SPAG16: variants seen among roughly 807,000 people sequenced by gnomAD.
SPAG16 encodes the protein sperm-associated antigen 16 protein.
SPAG16 carries 86 observed loss-of-function variants against 80.4 expected under a neutral mutation model. The observed-to-expected ratio is 1.07, with a 90% CI of 0.90 to 1.28. The LOEUF (loss-of-function observed/expected upper bound fraction) is 1.28, where lower values mean the gene tolerates loss of function less well. SPAG16 is among the 50% of genes most tolerant of loss of function. SPAG16 has a pLI of 0.00. For missense variants in SPAG16, 870 were observed against 765.3 expected, an observed-to-expected ratio of 1.14 and a Z score of -1.61; for synonymous variants, 294 against 265.9, an observed-to-expected ratio of 1.11 and a Z score of -1.03.
chr2:214,267,257 TATA>T (rs1691643500), intron 15 of SPAG16, among the ~76,000 whole-genome samples: 1 of 151,810 alleles, frequency 6.6e-6, no homozygotes, highest in African/African-American at 2.4e-5. Context: ...GTTACAAACC[TATA>T]ATAATCCAAA....
chr2:213,787,922 G>A (rs1039673151), intron 10 of SPAG16, among the ~76,000 whole-genome samples: 9 of 151,982 alleles, frequency 5.9e-5, no homozygotes, highest in African/African-American at 2.2e-4. Flanking sequence ...ATTTGAAGAT[G>A]TCCAAAAATC....
chr2:214,051,272 T>G (rs1236213842), intron 13 of SPAG16, among the ~76,000 whole-genome samples: 1 of 152,184 alleles, frequency 6.6e-6, no homozygotes, highest in Non-Finnish European at 1.5e-5. Flanking sequence ...AAATACTTTA[T>G]AGCAAAGGAA....
intron 12 of SPAG16, among the ~76,000 whole-genome samples, chr2:213,948,408 C>G (rs887730764): frequency 4.6e-5 from 7 of 152,146 alleles, no homozygotes; most frequent in African/African-American, 7.2e-5. Context: ...CCCATTGATG[C>G]TACTCTATTT....
At position 214,155,784 on chromosome 2, in the gene SPAG16, T is replaced by C. The variant is rs553425749; in HGVS notation, c.1720+6518T>C. Among the ~76,000 whole-genome samples the C allele has an allele frequency of 7.2e-5, 11 of 152,286 alleles. No individual in the cohort carries two copies. The South Asian group carries it at 2.3e-3, about 32-fold the overall frequency. On this transcript the variant is annotated intron_variant, in intron 15 of 15. Transcript: ENST00000331683. ...TACACTAAAGTCTTTTGAACCACCG[T>C]GTTGGCTCATGTATTCACCTATTTA...
At position 213,346,601 on chromosome 2, in the gene SPAG16, A is replaced by G. The variant is rs544408764; in HGVS notation, c.645-3927A>G. Among the ~76,000 whole-genome samples the G allele has an allele frequency of 2.0e-4, 30 of 152,284 alleles. 1 individual carries two copies. The South Asian group carries it at 2.1e-3, about 11-fold the overall frequency. ...GAGTTTTTAGCATGAAGGTTGTTCA[A>G]TTTTGTCAAAGGCCTTTTCTGCTCT... On this transcript the variant is annotated intron_variant, in intron 6 of 15. Transcript: ENST00000331683.
chr2:213,580,649 TTTCTC>T (rs1313136016), intron 10 of SPAG16, among the ~76,000 whole-genome samples: 3 of 152,124 alleles, frequency 2.0e-5, no homozygotes, highest in Admixed American at 6.6e-5. Flanking sequence ...CTTTATAACT[TTTCTC>T]TACTCAGAAG....
At chr2:214,246,445 A>G (rs917425115) in intron 15 of SPAG16, among the ~76,000 whole-genome samples, 2 of 152,152 alleles carry the variant, frequency 1.3e-5, no homozygotes, top group Admixed American at 6.6e-5. Flanking sequence ...CAGAATTAAC[A>G]TTGAGTGACT....
At position 213,784,628 on chromosome 2, in the gene SPAG16, A is replaced by T. The variant is rs1440930689; in HGVS notation, c.1071-77857A>T. On this transcript the variant is annotated intron_variant, in intron 10 of 15. Transcript: ENST00000331683. ...AATAAATGCACAGCAATTATTTCTA[A>T]AAAAAAAAAAAAAAAAAAAAAAAAA... is the stretch of plus-strand genomic sequence containing the variant. Among the ~76,000 whole-genome samples, 10 of 12,730 alleles carry T rather than the reference A, an allele frequency of 7.9e-4. No individual in the cohort carries two copies. In the East Asian group the frequency reaches 0.11, roughly 138 times the overall value. 8.4% of individuals were successfully genotyped at this position (12,730 alleles called of 152,430 possible). A position where few individuals can be genotyped will look rare whatever the true frequency, so the allele number is the denominator to read the frequency against.
chr2:213,584,198 GTCCAACTAGC>G lies in SPAG16; in HGVS notation c.1070+94109_1070+94118del, dbSNP rs1237900493. Among the ~76,000 whole-genome samples, 233 of 152,140 alleles carry G rather than the reference GTCCAACTAGC, an allele frequency of 1.5e-3. 3 individuals carry two copies. Among genetic ancestry groups the G allele is most frequent in the African/African-American group, 4.6e-3 (189 of 41,506 alleles). On this transcript the variant is annotated intron_variant, in intron 10 of 15. Coordinates refer to ENST00000331683, the MANE Select transcript of SPAG16 (RefSeq NM_024532.5). ...CTTCATTGGATTTTTTTTTATACTA[GTCCAACTAGC>G]ATGCCTGGTGGTGTGTTGGAGGAAG...
chr2:213,495,658 G>A lies in SPAG16; in HGVS notation c.1070+5568G>A, dbSNP rs111371358. Among the ~76,000 whole-genome samples, 120 of 152,304 alleles carry A rather than the reference G, an allele frequency of 7.9e-4. 2 individuals carry two copies. The highest frequency in any genetic ancestry group is 3.4e-3 in the Middle Eastern group (1 of 294). On this transcript the variant is annotated intron_variant, in intron 10 of 15. Coordinates refer to ENST00000331683, the MANE Select transcript of SPAG16 (RefSeq NM_024532.5). ...CATAAATGCTGTAGAAAAACATAAA[G>A]TGAGACAGAGGGAAACTGAGTGTAG...
intron 10 of SPAG16, among the ~76,000 whole-genome samples, chr2:213,821,389 G>A (rs1349398566): frequency 2.6e-5 from 4 of 152,000 alleles, no homozygotes; most frequent in Non-Finnish European, 4.4e-5. Flanking sequence ...AATAAACAGG[G>A]ATTAGGTTGT....
intron 14 of SPAG16, among the ~76,000 whole-genome samples, chr2:214,124,842 C>G (rs1297491511): frequency 6.6e-6 from 1 of 151,694 alleles, no homozygotes; most frequent in Non-Finnish European, 1.5e-5. Flanking sequence ...GCAGGATGGG[C>G]TGGAATTTCC....
chr2:214,083,249 C>G (rs1174689081), intron 13 of SPAG16, among the ~76,000 whole-genome samples: 1 of 152,122 alleles, frequency 6.6e-6, no homozygotes, highest in African/African-American at 2.4e-5. Context: ...CAGGGCCTCT[C>G]ATAGACACAT....
chr2:213,542,069 A>G (rs1254713259), intron 10 of SPAG16, among the ~76,000 whole-genome samples: 1 of 152,216 alleles, frequency 6.6e-6, no homozygotes, highest in Non-Finnish European at 1.5e-5. Context: ...TACTTGATGT[A>G]TTAAATTAGT....
At chr2:213,314,832 C>T (rs2063334744) in intron 4 of SPAG16, among the ~76,000 whole-genome samples, 1 of 151,916 alleles carries the variant, frequency 6.6e-6, no homozygotes, top group South Asian at 2.1e-4. Flanking sequence ...AAGTATATCA[C>T]ATTCCTAGTA....
At position 213,690,508 on chromosome 2, in the gene SPAG16, A is replaced by G. The variant is rs75360464; in HGVS notation, c.1071-171977A>G. Among the ~76,000 whole-genome samples, 9 of 152,336 alleles carry G rather than the reference A, an allele frequency of 5.9e-5. No individual in the cohort carries two copies. The East Asian group carries it at 1.7e-3, about 29-fold the overall frequency. Reference sequence around the variant, plus strand: ...GGTGTCAACTTGACTGGATTGAGGGATGCCTAGATGGCTGATGAAGCATGT... The same window carrying G: ...GGTGTCAACTTGACTGGATTGAGGGGTGCCTAGATGGCTGATGAAGCATGT... On this transcript the variant is annotated intron_variant, in intron 10 of 15. Transcript: ENST00000331683.
intron 14 of SPAG16, among the ~76,000 whole-genome samples, chr2:214,147,165 T>C (rs1030472455): frequency 1.2e-4 from 19 of 152,204 alleles, no homozygotes; most frequent in African/African-American, 3.6e-4. Context: ...TTTAGCACAG[T>C]ACCTGGCTCA....
chr2:213,882,273 A>T (rs1266387222), intron 11 of SPAG16, among the ~76,000 whole-genome samples: 1 of 152,112 alleles, frequency 6.6e-6, no homozygotes. Flanking sequence ...TTCATCAGGG[A>T]TACTGACCCA....
chr2:213,455,161 G>T (rs1288729187), intron 9 of SPAG16, among the ~76,000 whole-genome samples: 1 of 152,122 alleles, frequency 6.6e-6, no homozygotes, highest in Non-Finnish European at 1.5e-5. Context: ...CCACTAACAA[G>T]AGCACCTTGA....
Sources: allele counts gnomAD v4.1 joint callset (sites outside exome capture counted in the v4.1 genomes callset), GRCh38; gene constraint gnomAD v4.1.1; transcripts MANE v1.5; gene names NCBI Gene and HGNC (gene_info 2026-07-23, HGNC 2026-07-21).